CDH18: variants seen among roughly 807,000 people sequenced by gnomAD.
CDH18 encodes cadherin 18.
In CDH18, 31 loss-of-function variants were observed where a neutral mutation model predicts 67.9. The observed-to-expected ratio is 0.46, with a 90% confidence interval of 0.34 to 0.62. CDH18 has a LOEUF of 0.62. Ranked by LOEUF, CDH18 falls within the 20% of genes least tolerant of loss-of-function variation. The pLI is 0.01. For missense variants in CDH18, 890 were observed against 975.5 expected (o/e 0.91, Z 1.17); for synonymous variants, 362 against 347.2 (o/e 1.04, Z -0.48).
chr5:20,357,294 G>A (rs1025443433), intron 1 of CDH18, among the ~76,000 whole-genome samples: 1 of 152,054 alleles, frequency 6.6e-6, no homozygotes, highest in Non-Finnish European at 1.5e-5. Context: ...AAGGAAGGAA[G>A]CATGTATGCA....
intron 5 of CDH18, among the ~76,000 whole-genome samples, chr5:19,614,263 A>G (rs963184251): frequency 3.9e-5 from 6 of 151,902 alleles, no homozygotes; most frequent in Admixed American, 2.0e-4. Context: ...GGAGAGCCTC[A>G]GGTATCAGAA....
At chr5:19,991,124 G>C (rs778573559), upstream of CDH18, among the ~76,000 whole-genome samples, 9 of 152,174 alleles carry the variant, frequency 5.9e-5, no homozygotes, top group Non-Finnish European at 2.9e-5. Flanking sequence ...TTTTCTGAGA[G>C]AGAGACTCAG....
chr5:20,509,612 G>A (rs1166967660), intron 1 of CDH18, among the ~76,000 whole-genome samples: 1 of 152,258 alleles, frequency 6.6e-6, no homozygotes, highest in Non-Finnish European at 1.5e-5. Context: ...AATACAGATG[G>A]GTTTCACCAT....
chr5:19,690,351 TAGAA>T (rs1428172491), intron 5 of CDH18, among the ~76,000 whole-genome samples: 14 of 151,226 alleles, frequency 9.3e-5, no homozygotes, highest in Non-Finnish European at 4.4e-5. Context: ...TATCAAAAAA[TAGAA>T]AGATTTTAAA....
intron 3 of CDH18, among the ~76,000 whole-genome samples, chr5:19,771,610 T>C (rs1039668802): frequency 6.6e-6 from 1 of 152,244 alleles, no homozygotes; most frequent in Admixed American, 6.5e-5. Context: ...ACTGAATTCC[T>C]GACTCACAGA....
intron 3 of CDH18, among the ~76,000 whole-genome samples, chr5:19,818,890 C>T (rs1373155916): frequency 1.3e-5 from 2 of 151,982 alleles, no homozygotes; most frequent in East Asian, 1.9e-4. Flanking sequence ...ACTAAATTTG[C>T]TACTATTATT....
chr5:20,334,940 CAAT>C (rs1739587089), intron 1 of CDH18, among the ~76,000 whole-genome samples: 1 of 152,160 alleles, frequency 6.6e-6, no homozygotes, highest in Admixed American at 6.5e-5. Context: ...TGGTCTTTCT[CAAT>C]GATGCAACAG....
At chr5:19,746,674 CG>C (rs1770037685) in intron 4 of CDH18, among the ~76,000 whole-genome samples, 1 of 152,096 alleles carries the variant, frequency 6.6e-6, no homozygotes, top group South Asian at 2.1e-4. Context: ...AAGTATTCCA[CG>C]TGTTTTCAAA....
chr5:19,905,937 A>C (rs1477743308), intron 2 of CDH18, among the ~76,000 whole-genome samples: 3 of 152,078 alleles, frequency 2.0e-5, no homozygotes, highest in Non-Finnish European at 4.4e-5. Flanking sequence ...AGCCATCCTC[A>C]GTAATACCAT....
At chr5:19,487,881 C>T (rs186237078) in intron 11 of CDH18, among the ~76,000 whole-genome samples, 80 of 152,110 alleles carry the variant, frequency 5.3e-4, no homozygotes, top group South Asian at 1.9e-3. Flanking sequence ...ATAATTTATC[C>T]ATCTTTCTAG....
chr5:19,860,003 T>A (rs1316898254), intron 2 of CDH18, among the ~76,000 whole-genome samples: 1 of 151,606 alleles, frequency 6.6e-6, no homozygotes, highest in Admixed American at 6.6e-5. Flanking sequence ...TGTGTGTGTG[T>A]GTGTGTGTGT....
At chr5:20,362,169 G>A (rs1742141417) in intron 1 of CDH18, among the ~76,000 whole-genome samples, 1 of 152,078 alleles carries the variant, frequency 6.6e-6, no homozygotes, top group African/African-American at 2.4e-5. Flanking sequence ...TTCCTGTTTG[G>A]TCTAGAGACA....
chr5:20,271,388 T>C (rs796216779), intron 1 of CDH18, among the ~76,000 whole-genome samples: 19 of 152,206 alleles, frequency 1.2e-4, no homozygotes, highest in African/African-American at 4.3e-4. Context: ...TCAACCATAA[T>C]ATATTGTCTA....
At chr5:20,181,395 C>T (rs562234073) in intron 2 of CDH18, among the ~76,000 whole-genome samples, 6 of 152,134 alleles carry the variant, frequency 3.9e-5, no homozygotes, top group South Asian at 4.2e-4. Context: ...GAGGAGGATG[C>T]ACTAATAGGC....
Position 19,473,614 on chromosome 5 carries a change from C to T in CDH18, c.1985G>A (p.Gly662Glu). 6.2e-7 allele frequency: 1 copy of T among 1,613,838 alleles called. No individual in the cohort carries two copies. Among genetic ancestry groups the T allele is most frequent in the South Asian group, 1.1e-5 (1 of 91,076 alleles). Reference sequence around the variant, plus strand: ...GGCCTCTGTGTCTTCCTCTCCGCCTCCTTCATCATCATAGGTGACCACGTT... The same window carrying T: ...GGCCTCTGTGTCTTCCTCTCCGCCTTCTTCATCATCATAGGTGACCACGTT... Reference protein sequence around the residue: ...RENVVTYDDEGGGEEDTEAFD... With the variant: ...RENVVTYDDEEGGEEDTEAFD... Residue 662 changes from glycine to glutamate, a missense_variant, in exon 13 of 13, where the codon GGA (glycine) becomes GAA (glutamate). By Grantham distance (98) the Gly-to-Glu change is moderately conservative. Transcript: ENST00000382275.
At chr5:19,913,478 T>G (rs1345254855) in intron 2 of CDH18, among the ~76,000 whole-genome samples, 2 of 152,142 alleles carry the variant, frequency 1.3e-5, no homozygotes, top group Non-Finnish European at 2.9e-5. Context: ...CACTTTGACT[T>G]TTCCCAGACT....
chr5:20,418,909 ATAC>A (rs1163177797), intron 1 of CDH18, among the ~76,000 whole-genome samples: 2 of 152,032 alleles, frequency 1.3e-5, no homozygotes, highest in Non-Finnish European at 2.9e-5. Flanking sequence ...TAATGCTTTT[ATAC>A]AACAGACACC....
At chr5:20,047,192 T>C (rs905036530) in intron 2 of CDH18, among the ~76,000 whole-genome samples, 3 of 151,712 alleles carry the variant, frequency 2.0e-5, no homozygotes, top group African/African-American at 7.3e-5. Context: ...TTAGATACAA[T>C]TGGGTTCAAC....
chr5:19,628,873 A>G (rs1441253706), intron 5 of CDH18, among the ~76,000 whole-genome samples: 2 of 152,154 alleles, frequency 1.3e-5, no homozygotes, highest in Non-Finnish European at 2.9e-5. Flanking sequence ...ACTGACACAT[A>G]AGATTGAGAG....
Sources: allele counts gnomAD v4.1 joint callset (sites outside exome capture counted in the v4.1 genomes callset), GRCh38; gene constraint gnomAD v4.1.1; transcripts MANE v1.5; gene names NCBI Gene and HGNC (gene_info 2026-07-23, HGNC 2026-07-21).